INPP5F: variants seen among roughly 807,000 people sequenced by gnomAD.
INPP5F encodes the protein inositol polyphosphate-5-phosphatase F, also known as phosphatidylinositide 4-phosphatase SAC2.
A neutral mutation model predicts 137.2 loss-of-function variants in INPP5F; 97 were observed. That is an observed-to-expected ratio of 0.71 (90% CI 0.60 to 0.84). The LOEUF (loss-of-function observed/expected upper bound fraction) is 0.84, where lower values mean the gene tolerates loss of function less well. Ranked by LOEUF, INPP5F falls within the 40% of genes least tolerant of loss-of-function variation. The probability of loss-of-function intolerance (pLI) is 0.00; values close to 1 mark genes in which losing one functional copy is unlikely to be tolerated. For missense variants in INPP5F, 1,271 were observed against 1,371.9 expected (o/e 0.93, Z 1.16); for synonymous variants, 504 against 476.9 (o/e 1.06, Z -0.74).
In INPP5F at chr10:119,748,365, C is replaced by A. The variant is rs1371575859; in HGVS notation, c.98-2711C>A. 6.6e-6 allele frequency among the ~76,000 whole-genome samples: 1 copy of A among 152,232 alleles called. No individual in the cohort carries two copies. Among genetic ancestry groups the A allele is most frequent in the African/African-American group, 2.4e-5 (1 of 41,464 alleles). On this transcript the variant is annotated intron_variant, in intron 1 of 19. Transcript: ENST00000650623. The surrounding 1 kb of genome is among the most constrained non-coding windows in gnomAD (Gnocchi z 4.7). ...CGGAGAGCCCCTAGGTCTGGTGTTC[C>A]CGAAGGGCCGCAGCCCTTTCCTCCT...
At position 119,766,851 on chromosome 10, in the gene INPP5F, C is replaced by T. The variant is rs1156555034; in HGVS notation, c.179-14784C>T. 2.6e-5 allele frequency among the ~76,000 whole-genome samples: 4 copies of T among 152,090 alleles called. No individual in the cohort carries two copies. The South Asian group carries it at 8.3e-4, about 32-fold the overall frequency. On this transcript the variant is annotated intron_variant, in intron 2 of 19. Coordinates refer to ENST00000650623, the MANE Select transcript of INPP5F (RefSeq NM_014937.4). ...GGGCACAGTGGCTCATACCTGTAATCCCAGGATTTTGGGAGGCCAAGGCTG... is the reference window on the plus strand; with the variant it reads ...GGGCACAGTGGCTCATACCTGTAATTCCAGGATTTTGGGAGGCCAAGGCTG...
chr10:119,767,992 GAGA>G (rs1849225847), intron 2 of INPP5F, among the ~76,000 whole-genome samples: 1 of 151,470 alleles, frequency 6.6e-6, no homozygotes, highest in Admixed American at 6.6e-5. Flanking sequence ...CAATGTTACA[GAGA>G]AGAAAGGAAA....
At chr10:119,809,226 CAA>C (rs71019722) in intron 13 of INPP5F, among the ~76,000 whole-genome samples, 4 of 58,858 alleles carry the variant, frequency 6.8e-5, no homozygotes, top group African/African-American at 1.3e-4. Context: ...GACTCTGTCT[CAA>C]AAAAAAAAAA....
At chr10:119,742,310 A>G (rs1403615659) in intron 1 of INPP5F, among the ~76,000 whole-genome samples, 2 of 151,838 alleles carry the variant, frequency 1.3e-5, no homozygotes, top group South Asian at 4.2e-4. Context: ...ACTCGCCACC[A>G]TGCCTGGTTA....
chr10:119,762,130 G>T (rs1447839318), intron 2 of INPP5F, among the ~76,000 whole-genome samples: 1 of 152,162 alleles, frequency 6.6e-6, no homozygotes. Context: ...CCATGTAAGT[G>T]GACCCTTGCA....
intron 19 of INPP5F, chr10:119,826,000 C>T: frequency 2.5e-6 from 1 of 398,356 alleles, no homozygotes; most frequent in Admixed American, 4.4e-5. Context: ...GTTAAATGTC[C>T]CAAATCTTTT....
intron 2 of INPP5F, among the ~76,000 whole-genome samples, chr10:119,773,476 A>G (rs139473274): frequency 1.3e-5 from 2 of 152,274 alleles, no homozygotes; most frequent in East Asian, 3.9e-4. Flanking sequence ...ATACTACCCA[A>G]TAGACGGTTT....
At chr10:119,811,996 G>A (rs1851056353) in intron 15 of INPP5F, 41 bp downstream of exon 15, 3 of 1,484,626 alleles carry the variant, frequency 2.0e-6, no homozygotes, top group Middle Eastern at 1.7e-4. Flanking sequence ...TTGCTTAACT[G>A]ATGTTGGGAA....
intron 1 of INPP5F, among the ~76,000 whole-genome samples, chr10:119,735,121 T>C (rs1344957861): frequency 5.3e-5 from 8 of 152,212 alleles, no homozygotes; most frequent in Admixed American, 3.3e-4. Context: ...CTTAATTAAA[T>C]CACATGTTTT....
rs1851662915 is a variant in INPP5F at position 119,823,909 on chromosome 10, A to G, written c.2249+7A>G. 2 of 1,591,496 alleles carry G rather than the reference A, an allele frequency of 1.3e-6. No individual in the cohort carries two copies. Among genetic ancestry groups the G allele is most frequent in the Non-Finnish European group, 1.7e-6 (2 of 1,161,944 alleles). On this transcript the variant is annotated splice_region_variant and intron_variant, in intron 19 of 19. Transcript: ENST00000650623. ...TTGAGAAGAAACTTGAGAGGTGAGT[A>G]TACTGCTTCTCTCAAGAATAAAGGC...
In INPP5F at chr10:119,811,881, A is replaced by T. The variant is rs1851049145; in HGVS notation, c.1812A>T (p.Gln604His). Reference protein sequence around the residue: ...SHQELISQLLQSYMKLLLPDD... With the variant: ...SHQELISQLLHSYMKLLLPDD... ...AGGAACTAATTAGCCAGCTCTTACA[A>T]AGTTACATGAAGTTACTACTGCCTG... Residue 604 changes from glutamine to histidine, a missense_variant, in exon 15 of 20, where the codon CAA becomes CAT. Transcript: ENST00000650623. 6.2e-7 allele frequency: 1 copy of T among 1,614,064 alleles called. No individual in the cohort carries two copies. Among genetic ancestry groups the T allele is most frequent in the African/African-American group, 1.3e-5 (1 of 74,932 alleles).
At chr10:119,731,545 T>A (rs1183185092) in intron 1 of INPP5F, among the ~76,000 whole-genome samples, 1 of 151,974 alleles carries the variant, frequency 6.6e-6, no homozygotes, top group African/African-American at 2.4e-5. Flanking sequence ...GTGCCTATAA[T>A]CCCAACTACT....
intron 16 of INPP5F, among the ~76,000 whole-genome samples, chr10:119,821,422 T>C (rs1589757312): frequency 6.6e-6 from 1 of 152,128 alleles, no homozygotes; most frequent in Admixed American, 6.5e-5. Context: ...TGTGGTTTGT[T>C]GTCAGATTGA....
chr10:119,751,292 TATA>T (rs1848683283), intron 2 of INPP5F, 136 bp downstream of exon 2: 1 of 657,048 alleles, frequency 1.5e-6, no homozygotes, highest in African/African-American at 1.8e-5. Context: ...AAAGTGGGTG[TATA>T]ATGAGCGAAG....
At chr10:119,781,308 C>T (rs562307195) in intron 2 of INPP5F, among the ~76,000 whole-genome samples, 11 of 152,316 alleles carry the variant, frequency 7.2e-5, no homozygotes, top group South Asian at 6.2e-4. Flanking sequence ...TGTTTGTCAT[C>T]GGTATTCTCA....
At chr10:119,764,967 T>C (rs1202643674) in intron 2 of INPP5F, among the ~76,000 whole-genome samples, 1 of 152,100 alleles carries the variant, frequency 6.6e-6, no homozygotes, top group Non-Finnish European at 1.5e-5. Context: ...AGTTTCCCTC[T>C]TGTCGCCCAG....
In INPP5F at chr10:119,827,597, C is replaced by A. The variant is rs756263830; in HGVS notation, c.3216C>A (p.Ala1072=). 1.2e-6 allele frequency: 2 copies of A among 1,614,136 alleles called. No individual in the cohort carries two copies. The highest frequency in any genetic ancestry group is 1.7e-6 in the Non-Finnish European group (2 of 1,180,010). The change falls in exon 20 of 20, where the codon GCC becomes GCA. Residue 1072 remains alanine, a synonymous_variant. Transcript: ENST00000650623. ...GCAGCAGAGCAGTCTCTCCCTTTGC[C>A]AAGATTCGAAGTTCCATGGTCCAGG... ...SSSSRAVSPF[A]KIRSSMVQVA... is the part of the protein sequence containing the mutation.
rs757576411 is a variant in INPP5F, at chr10:119,804,272, G to T, written c.1216G>T (p.Val406Phe). ...LLFNNSHLTY[V>F]SFDFHEHCRG... Reference sequence around the variant, plus strand: ...TTTCAACAACTCACACCTCACTTACGTTTCGTTTGACTTCCATGAGCACTG... The same window carrying T: ...TTTCAACAACTCACACCTCACTTACTTTTCGTTTGACTTCCATGAGCACTG... The change falls in exon 10 of 20, where the codon GTT (valine) becomes TTT (phenylalanine). Residue 406 changes from valine (V) to phenylalanine (F), a missense_variant. This residue lies in a region of INPP5F where 593 missense variants were observed against 712.4 expected (regional missense o/e 0.83). Coordinates refer to ENST00000650623, the MANE Select transcript of INPP5F (RefSeq NM_014937.4). 6.2e-7 allele frequency: 1 copy of T among 1,611,514 alleles called. No homozygotes were observed. Among genetic ancestry groups the T allele is most frequent in the Non-Finnish European group, 8.5e-7 (1 of 1,179,456 alleles).
intron 2 of INPP5F, among the ~76,000 whole-genome samples, chr10:119,766,468 GCCAAGAATTTTCTAAAA>G (rs528798715): frequency 9.1e-4 from 139 of 152,170 alleles, no homozygotes; most frequent in Non-Finnish European, 1.6e-3. Flanking sequence ...TGAGATAATG[GCCAAGAATTTTCTAAAA>G]CCAACTATAA....
Sources: gnomAD v4.1 joint callset for allele counts (sites outside exome capture counted in the v4.1 genomes callset) on GRCh38, gnomAD v4.1.1 for gene constraint, gnomAD v4.1.1 regional missense constraint, Gnocchi (gnomAD v3.1) non-coding constraint, MANE v1.5 for transcripts, NCBI Gene and HGNC (gene_info 2026-07-23, HGNC 2026-07-21) for gene names.